The following SLC9A5 variants were observed in gnomAD, a reference collection of about 807,000 sequenced individuals.
SLC9A5 encodes the protein solute carrier family 9 member A5.
Under a neutral mutation model 91.7 loss-of-function variants are expected in SLC9A5, and 52 were observed. The observed-to-expected ratio is 0.57, with a 90% CI of 0.45 to 0.71. The LOEUF is 0.71. Ranked by LOEUF, SLC9A5 falls within the 30% of genes least tolerant of loss-of-function variation. The pLI is 0.00. For missense variants in SLC9A5, 871 were observed against 1,158.9 expected, an observed-to-expected ratio of 0.75 and a Z score of 3.61; for synonymous variants, 419 against 474.5, an observed-to-expected ratio of 0.88 and a Z score of 1.52.
In SLC9A5 at chr16:67,252,382, G is replaced by A. The variant is rs1267183586; in HGVS notation, c.188-160G>A. Among the ~76,000 whole-genome samples, 1 of 151,690 alleles carries A rather than the reference G, an allele frequency of 6.6e-6. No individual in the cohort carries two copies. Among genetic ancestry groups the A allele is most frequent in the African/African-American group, 2.4e-5 (1 of 41,266 alleles). On this transcript the variant is annotated intron_variant, in intron 1 of 15. Coordinates refer to ENST00000299798, the MANE Select transcript of SLC9A5 (RefSeq NM_004594.3). The surrounding 1 kb of genome is among the most constrained non-coding windows in gnomAD (Gnocchi z 4.0). ...GGAGAATCACTTGAACCCGGGAGGT[G>A]AAGGTTGCAGTGAGCTGAGATTGTG...
chr16:67,268,665 T>TATAC (rs2035805290), intron 15 of SLC9A5, among the ~76,000 whole-genome samples: 4 of 25,604 alleles, frequency 1.6e-4, no homozygotes, highest in Non-Finnish European at 2.7e-4. Context: ...TGATTATATA[T>TATAC]ATATATATAT....
chr16:67,268,710 A>ATATATATATT (rs1555500934), intron 15 of SLC9A5, among the ~76,000 whole-genome samples: 15 of 89,744 alleles, frequency 1.7e-4, no homozygotes, highest in South Asian at 3.8e-4. Flanking sequence ...ATATATATAT[A>ATATATATATT]TTTTTACAGT....
intron 2 of SLC9A5, 63 bp from the exon 3 acceptor site, chr16:67,254,958 G>A: frequency 6.5e-7 from 1 of 1,529,898 alleles, no homozygotes; most frequent in Non-Finnish European, 8.9e-7. Context: ...TTGTTCCAGG[G>A]CGTGCTCCAG....
rs764657275 is a variant in SLC9A5, at chr16:67,249,116, A to G, written c.102A>G (p.Leu34=). ...PESPGEPPPG[L]ELFRWQWHEV... ...CCCCGGGCGAGCCTCCCCCAGGCTT[A>G]GAGCTCTTCCGCTGGCAGTGGCACG... is the stretch of plus-strand genomic sequence containing the variant. Residue 34 remains leucine (L), a synonymous_variant, in exon 1 of 16, where the codon TTA becomes TTG. Coordinates refer to ENST00000299798, the MANE Select transcript of SLC9A5 (RefSeq NM_004594.3). The G allele has an allele frequency of 6.0e-5, 93 of 1,554,008 alleles. No homozygotes were observed. Among genetic ancestry groups the G allele is most frequent in the Admixed American group, 2.2e-4 (12 of 53,686 alleles).
intron 10 of SLC9A5, among the ~76,000 whole-genome samples, chr16:67,259,266 CA>C (rs542286400): frequency 0.021 from 1,044 of 50,596 alleles, 14 homozygotes; most frequent in African/African-American, 0.046. Flanking sequence ...GACTGTGTCT[CA>C]AAAAAAAAAA....
chr16:67,260,030 G>GCCC, intron 12 of SLC9A5, 84 bp downstream of exon 12: 2 of 1,526,694 alleles, frequency 1.3e-6, no homozygotes, highest in Non-Finnish European at 1.8e-6. Context: ...CAGCTTGTTG[G>GCCC]AGAGCTGCAG....
intron 12 of SLC9A5, chr16:67,263,468 GC>G (rs2035597075): frequency 6.6e-6 from 1 of 152,326 alleles, no homozygotes; most frequent in African/African-American, 2.4e-5. Flanking sequence ...TGAGTGTGTA[GC>G]GGGCTTGGTG....
At position 67,270,694 on chromosome 16, in the gene SLC9A5, TC is replaced by T; in HGVS notation, c.2219-42del. Reference sequence around the variant, plus strand: ...TAAGAATGTGCTTATACTTGAGATTTCCACTGTATTGGTAATGAGTTCATGT... The same window carrying T: ...TAAGAATGTGCTTATACTTGAGATTTCACTGTATTGGTAATGAGTTCATGT... On this transcript the variant is annotated intron_variant, in intron 15 of 15. Transcript: ENST00000299798. The surrounding 1 kb of genome is among the most constrained non-coding windows in gnomAD (Gnocchi z 4.3). 1 of 1,303,248 alleles carries T rather than the reference TC, an allele frequency of 7.7e-7. No homozygotes were observed. The highest frequency in any genetic ancestry group is 1.1e-6 in the Non-Finnish European group (1 of 950,532). 80.7% of individuals were successfully genotyped at this position (1,303,248 alleles called of 1,614,324 possible). A position where few individuals can be genotyped will look rare whatever the true frequency, so the allele number is the denominator to read the frequency against.
intron 12 of SLC9A5, among the ~76,000 whole-genome samples, chr16:67,260,763 T>C (rs2035507421): frequency 6.6e-6 from 1 of 152,164 alleles, no homozygotes; most frequent in Admixed American, 6.5e-5. Context: ...TTTTAAATAA[T>C]GGAAGTTAGT....
chr16:67,255,112 G>A lies in SLC9A5; in HGVS notation c.582G>A (p.Glu194=). The A allele has an allele frequency of 6.2e-7, 1 of 1,614,108 alleles. No homozygotes were observed. The highest frequency in any genetic ancestry group is 1.7e-5 in the Admixed American group (1 of 60,020). ...CCGTGGCCGTGCTAGCTGTCTTTGA[G>A]GAGGTGCACGTCAATGAGACTCTCT... ...VDPVAVLAVF[E]EVHVNETLFI... The change falls in exon 3 of 16, where the codon GAG becomes GAA. Residue 194 remains glutamate, a synonymous_variant. Transcript: ENST00000299798. The surrounding 1 kb of genome is among the most constrained non-coding windows in gnomAD (Gnocchi z 4.9).
chr16:67,264,465 G>T lies in SLC9A5; in HGVS notation c.1956G>T (p.Lys652Asn), dbSNP rs1406853162. 6.2e-7 allele frequency: 1 copy of T among 1,614,202 alleles called. No homozygotes were observed. Among genetic ancestry groups the T allele is most frequent in the Non-Finnish European group, 8.5e-7 (1 of 1,180,030 alleles). ...KRRLESFKST[K>N]HNICFTKSKP... ...GGCTGGAGTCCTTTAAGTCCACCAA[G>T]CACAACATCTGCTTCACCAAGAGCA... is the stretch of plus-strand genomic sequence containing the variant. The change falls in exon 13 of 16, where the codon AAG becomes AAT. Residue 652 changes from lysine to asparagine, a missense_variant. By Grantham distance (94) the Lys-to-Asn change is moderately conservative. Coordinates refer to ENST00000299798, the MANE Select transcript of SLC9A5 (RefSeq NM_004594.3).
chr16:67,262,448 G>T (rs968131923), intron 12 of SLC9A5: 5 of 316,746 alleles, frequency 1.6e-5, no homozygotes, highest in Non-Finnish European at 3.2e-5. Context: ...GGGCTGGAGA[G>T]AAATTTGGAA....
At position 67,252,549 on chromosome 16, in the gene SLC9A5, C is replaced by G; in HGVS notation, c.195C>G (p.His65Gln). Residue 65 changes from histidine (H) to glutamine (Q), a missense_variant, in exon 2 of 16, where the codon CAC becomes CAG. His to Gln is a conservative substitution (Grantham distance 24). Transcript: ENST00000299798. The surrounding 1 kb of genome is among the most constrained non-coding windows in gnomAD (Gnocchi z 4.0). ...ACTCTTTTTGCATTGCAGTGTTTCA[C>G]CTGTCTCGGAAAGTAACATCTCTGG... ...LVASLAKIVF[H>Q]LSRKVTSLVP... 6.2e-7 allele frequency: 1 copy of G among 1,611,406 alleles called. No individual in the cohort carries two copies. Among genetic ancestry groups the G allele is most frequent in the Non-Finnish European group, 8.5e-7 (1 of 1,178,666 alleles).
intron 14 of SLC9A5, 177 bp downstream of exon 14, chr16:67,265,283 C>T (rs118022123): frequency 9.7e-6 from 6 of 615,844 alleles, no homozygotes; most frequent in South Asian, 5.9e-5. Context: ...TTAGACAATG[C>T]GTGACAGGAG....
chr16:67,257,655 A>G lies in SLC9A5; in HGVS notation c.1496+54A>G, dbSNP rs998007125. Reference sequence around the variant, plus strand: ...GCAGCAGCAGCCCCACCAGCCAGGGAAGCATGGGGGATGTGCCACACTTCT... The same window carrying G: ...GCAGCAGCAGCCCCACCAGCCAGGGGAGCATGGGGGATGTGCCACACTTCT... On this transcript the variant is annotated intron_variant, in intron 9 of 15. Coordinates refer to ENST00000299798, the MANE Select transcript of SLC9A5 (RefSeq NM_004594.3). This position sits in a 1 kb window ranked among gnomAD's most constrained non-coding sequence, Gnocchi z 5.1. 1.9e-6 allele frequency: 3 copies of G among 1,567,998 alleles called. No homozygotes were observed. The African/African-American group carries it at 4.1e-5, about 21-fold the overall frequency.
intron 15 of SLC9A5, among the ~76,000 whole-genome samples, chr16:67,268,699 TATATATATATA>T (rs1567421699): frequency 9.7e-5 from 9 of 92,630 alleles, no homozygotes; most frequent in South Asian, 3.7e-4. Context: ...TATATATATA[TATATATATATA>T]TTTTTACAGT....
At position 67,258,339 on chromosome 16, in the gene SLC9A5, A is replaced by G. The variant is rs1395509312; in HGVS notation, c.1518A>G (p.Lys506=). Residue 506 remains lysine, a synonymous_variant, in exon 10 of 16, where the codon AAA becomes AAG. Transcript: ENST00000299798. This position sits in a 1 kb window ranked among gnomAD's most constrained non-coding sequence, Gnocchi z 4.5. ...GTAGGTGGGAGCAGTTTGACAAGAA[A>G]TACCTGAGTCAGCTGCTGATGCGAC... is the stretch of plus-strand genomic sequence containing the variant. ...WRDRWEQFDK[K]YLSQLLMRRS... 1 of 1,613,968 alleles carries G rather than the reference A, an allele frequency of 6.2e-7. No homozygotes were observed. The highest frequency in any genetic ancestry group is 8.5e-7 in the Non-Finnish European group (1 of 1,180,046).
chr16:67,267,458 G>A (rs1469540740), intron 15 of SLC9A5, among the ~76,000 whole-genome samples: 1 of 152,144 alleles, frequency 6.6e-6, no homozygotes, highest in Admixed American at 6.5e-5. Flanking sequence ...TCAAACTCCT[G>A]GCAGTCTTCC....
chr16:67,256,948 G>T lies in SLC9A5; in HGVS notation c.1170G>T (p.Arg390=). ...AGACCTGGGTGCTGAATCAGTTCCG[G>T]CTAGTCCCTCTGGACAAGATTGACC... ...VLQTWVLNQF[R]LVPLDKIDQV... Residue 390 remains arginine, a synonymous_variant, in exon 7 of 16, where the codon CGG becomes CGT. Transcript: ENST00000299798. This position sits in a 1 kb window ranked among gnomAD's most constrained non-coding sequence, Gnocchi z 4.1. The T allele has an allele frequency of 6.2e-7, 1 of 1,614,108 alleles. No individual in the cohort carries two copies. The highest frequency in any genetic ancestry group is 8.5e-7 in the Non-Finnish European group (1 of 1,180,034).
Sources: allele counts gnomAD v4.1 joint callset (sites outside exome capture counted in the v4.1 genomes callset), GRCh38; gene constraint gnomAD v4.1.1; non-coding constraint Gnocchi (gnomAD v3.1); transcripts MANE v1.5; gene names NCBI Gene and HGNC (gene_info 2026-07-23, HGNC 2026-07-21).